TEP1: variants seen among roughly 807,000 people sequenced by gnomAD.
TEP1 encodes the protein telomerase protein component 1.
A neutral mutation model predicts 306.3 loss-of-function variants in TEP1; 241 were observed. The observed-to-expected ratio is 0.79, with a 90% CI of 0.71 to 0.88. The LOEUF (loss-of-function observed/expected upper bound fraction) is 0.88. Ranked by LOEUF, TEP1 falls within the 40% of genes least tolerant of loss-of-function variation. TEP1 has a pLI of 0.00. For missense variants in TEP1, 3,051 were observed against 3,276.1 expected (o/e 0.93, Z 1.68); for synonymous variants, 1,289 against 1,305.5 (o/e 0.99, Z 0.27).
chr14:20,380,519 C>T, intron 33 of TEP1, 44 bp from the exon 34 acceptor site: 1 of 1,573,964 alleles, frequency 6.4e-7, no homozygotes, highest in East Asian at 2.2e-5. Context: ...CAGCTGGACC[C>T]CATTAGCCCC....
intron 25 of TEP1, 23 bp from the exon 26 acceptor site, chr14:20,383,667 G>C (rs762268342): frequency 1.1e-5 from 18 of 1,607,790 alleles, no homozygotes; most frequent in Non-Finnish European, 1.4e-5. Context: ...AGGAAGTCAG[G>C]GTCAGTGGGA....
Position 20,373,739 on chromosome 14 carries a change from G to C in TEP1, c.6543C>G (p.Thr2181=). 1.9e-6 allele frequency: 3 copies of C among 1,614,174 alleles called. No individual in the cohort carries two copies. Among genetic ancestry groups the C allele is most frequent in the Non-Finnish European group, 1.7e-6 (2 of 1,180,028 alleles). ...KVWDHQGVEL[T]SIPAHSGPIS... ...TGGGTCCTGAGTGAGCAGGGATGCTGGTCAGCTCCACGCCTTGATGGTCCC... is the reference window on the plus strand; with the variant it reads ...TGGGTCCTGAGTGAGCAGGGATGCTCGTCAGCTCCACGCCTTGATGGTCCC... Residue 2181 remains threonine, a synonymous_variant, in exon 45 of 55, where the codon ACC becomes ACG. Coordinates refer to ENST00000262715, the MANE Select transcript of TEP1 (RefSeq NM_007110.5).
In TEP1 at chr14:20,396,720, C is replaced by CA; in HGVS notation, c.1559_1560insT (p.Lys520AsnfsTer25). ...TCCGAAGCATGGCCATGAAGGGAAGCTTCCCATTTTCTGTGGAATGTGGGG... is the reference window on the plus strand; with the variant it reads ...TCCGAAGCATGGCCATGAAGGGAAGCATTCCCATTTTCTGTGGAATGTGGGG... On this transcript the variant is annotated frameshift_variant, in exon 10 of 55. Coordinates refer to ENST00000262715, the MANE Select transcript of TEP1 (RefSeq NM_007110.5). LOFTEE classifies it high-confidence loss of function. The CA allele has an allele frequency of 6.2e-7, 1 of 1,605,954 alleles. No homozygotes were observed. Among genetic ancestry groups the CA allele is most frequent in the Non-Finnish European group, 8.5e-7 (1 of 1,174,232 alleles).
intron 54 of TEP1, 111 bp downstream of exon 54, chr14:20,368,687 A>T: frequency 6.5e-7 from 1 of 1,537,728 alleles, no homozygotes; most frequent in Non-Finnish European, 8.9e-7. Context: ...AAGAAAACAG[A>T]ATTTTGATCT....
chr14:20,391,333 G>A (rs77029003), intron 13 of TEP1, among the ~76,000 whole-genome samples: 1,800 of 152,320 alleles, frequency 0.012, 39 homozygotes, highest in African/African-American at 0.041. Context: ...AGGTGAAAGT[G>A]AGACATATTT....
At chr14:20,369,637 A>G in intron 52 of TEP1, 37 bp downstream of exon 52, 2 of 1,612,898 alleles carry the variant, frequency 1.2e-6, no homozygotes, top group Non-Finnish European at 1.7e-6. Flanking sequence ...ACCCTGGGCC[A>G]TCTCCCGGCT....
rs1238383679 is a variant in TEP1, at chr14:20,377,970, C to A, written c.5721+54G>T. 2.5e-6 allele frequency: 4 copies of A among 1,590,242 alleles called. No homozygotes were observed. The East Asian group carries it at 8.9e-5, about 36-fold the overall frequency. On this transcript the variant is annotated intron_variant, in intron 39 of 54. Transcript: ENST00000262715. ...GGACCCCCACCCCCACCAAGATATT[C>A]TTTGCCTTTGCTACTCCTCCTCACA...
In TEP1 at chr14:20,371,202, C is replaced by T; in HGVS notation, c.7317+16G>A. 1 of 1,605,892 alleles carries T rather than the reference C, an allele frequency of 6.2e-7. No homozygotes were observed. Among genetic ancestry groups the T allele is most frequent in the Non-Finnish European group, 8.5e-7 (1 of 1,172,452 alleles). ...AGACGAATGTTTGCTTTAGCACACA[C>T]TCAAATAGGACTTACCAAGAAAGAA... On this transcript the variant is annotated intron_variant, in intron 51 of 54. Transcript: ENST00000262715.
intron 27 of TEP1, 34 bp from the exon 28 acceptor site, chr14:20,382,749 G>A (rs1164257674): frequency 1.9e-6 from 3 of 1,606,132 alleles, no homozygotes; most frequent in Non-Finnish European, 2.6e-6. Context: ...TGGGGTCCAG[G>A]AGGGCTGCCC....
Position 20,382,655 on chromosome 14 carries a change from C to T in TEP1, c.4108G>A (p.Asp1370Asn), listed in dbSNP as rs761323334. ...TACAGCGTGAAGAGCCTCAGGTGAT[C>T]GGTGACCAAGCGCAGGTAGAGCGGC... ...GRPLYLRLVT[D>N]HLRLFTLYEQ... The change falls in exon 28 of 55, where the codon GAT becomes AAT. Residue 1370 changes from aspartate (D) to asparagine (N), a missense_variant. Coordinates refer to ENST00000262715, the MANE Select transcript of TEP1 (RefSeq NM_007110.5). 1.2e-5 allele frequency: 19 copies of T among 1,613,948 alleles called. No homozygotes were observed. The highest frequency in any genetic ancestry group is 1.6e-4 in the Middle Eastern group (1 of 6,082).
chr14:20,404,081 G>A (rs983583302), intron 5 of TEP1, among the ~76,000 whole-genome samples, 197 bp from the exon 6 acceptor site: 5 of 152,254 alleles, frequency 3.3e-5, no homozygotes, highest in African/African-American at 4.8e-5. Flanking sequence ...GGGCAGGGTG[G>A]CTCACCTTTA....
rs1224711399 is a variant in TEP1, at chr14:20,366,937, T to C, written c.*1500A>G. 6.6e-6 allele frequency: 1 copy of C among 152,246 alleles called. No individual in the cohort carries two copies. The highest frequency in any genetic ancestry group is 6.5e-5 in the Admixed American group (1 of 15,280). The allele number at this position is 152,246 out of a possible 1,614,324, so 9.4% of individuals were successfully genotyped here. A position where few individuals can be genotyped will look rare whatever the true frequency, so the allele number is the denominator to read the frequency against. The stretch of plus-strand genomic sequence containing the variant: ...GCCAAGGGCAGGAGGAAGCTCTAGT[T>C]GTCTGTCTCCCATGCTCTGAAAATT... On this transcript the variant is annotated 3_prime_UTR_variant, in exon 55 of 55. Coordinates refer to ENST00000262715, the MANE Select transcript of TEP1 (RefSeq NM_007110.5).
chr14:20,386,418 C>T, intron 19 of TEP1, 29 bp downstream of exon 19: 2 of 1,583,916 alleles, frequency 1.3e-6, no homozygotes, highest in Non-Finnish European at 1.7e-6. Flanking sequence ...CATCCCCGAC[C>T]CAGCCCCTCT....
At chr14:20,404,500 T>A (rs1566482341) in intron 5 of TEP1, 111 bp downstream of exon 5, 2 of 1,364,560 alleles carry the variant, frequency 1.5e-6, no homozygotes, top group Middle Eastern at 1.9e-4. Context: ...GCACCAATGC[T>A]GAGGAAAGCT....
rs1884691539 is a variant in TEP1, at chr14:20,369,503, C to T, written c.7497G>A (p.Trp2499Ter). 6.2e-7 allele frequency: 1 copy of T among 1,614,134 alleles called. No individual in the cohort carries two copies. ...NLAKCSPEGE[W>*]TTGNMWQKKA... ...TTTTCTGCCACATGTTACCTGTGGT[C>T]CATTCTCCTTCTGGGCTGCATTTGG... Residue 2499 changes from tryptophan to a stop codon, truncating the protein, a stop_gained, in exon 53 of 55, where the codon TGG (tryptophan) becomes TGA (stop). Transcript: ENST00000262715. LOFTEE classifies it high-confidence loss of function.
At chr14:20,389,894 AACTT>A in intron 15 of TEP1, among the ~76,000 whole-genome samples, 154 bp from the exon 16 acceptor site, 1 of 152,322 alleles carries the variant, frequency 6.6e-6, no homozygotes. Context: ...ACTGCATTTT[AACTT>A]ACAGGGGACA....
intron 9 of TEP1, among the ~76,000 whole-genome samples, chr14:20,400,463 C>T (rs1878586881): frequency 2.6e-5 from 2 of 77,590 alleles, no homozygotes; most frequent in African/African-American, 7.9e-5. Context: ...AAGTAAAAAA[C>T]GAAAGAAAGA....
Position 20,382,326 on chromosome 14 carries a change from T to C in TEP1, c.4171A>G (p.Thr1391Ala). ...ATGTGCTGCAGCAGCAGGGGGACAG[T>C]GGCAGGCAGGGTCCGGAGTCTCTCA... Reference protein sequence around the residue: ...VSERLRTLPATVPLLLQHILS... With the variant: ...VSERLRTLPAAVPLLLQHILS... The change falls in exon 29 of 55, where the codon ACT (threonine) becomes GCT (alanine). Residue 1391 changes from threonine to alanine, a missense_variant. Physicochemically the swap from Thr to Ala is moderately conservative, Grantham distance 58. Transcript: ENST00000262715. 1 of 1,613,072 alleles carries C rather than the reference T, an allele frequency of 6.2e-7. No homozygotes were observed. Among genetic ancestry groups the C allele is most frequent in the Non-Finnish European group, 8.5e-7 (1 of 1,179,530 alleles).
Position 20,368,279 on chromosome 14 carries a change from A to T in TEP1, c.*158T>A. 1 of 738,166 alleles carries T rather than the reference A, an allele frequency of 1.4e-6. No homozygotes were observed. Among genetic ancestry groups the T allele is most frequent in the Non-Finnish European group, 2.1e-6 (1 of 481,396 alleles). The allele number at this position is 738,166 out of a possible 1,614,324, so 45.7% of individuals were successfully genotyped here. A position where few individuals can be genotyped will look rare whatever the true frequency, so the allele number is the denominator to read the frequency against. ...TAGAATATCCTCCTGTTCTAAATCCACATGAGAACACAGGCAGGCCTACAC... is the reference window on the plus strand; with the variant it reads ...TAGAATATCCTCCTGTTCTAAATCCTCATGAGAACACAGGCAGGCCTACAC... On this transcript the variant is annotated 3_prime_UTR_variant, in exon 55 of 55. Transcript: ENST00000262715.
Sources: gnomAD v4.1 joint callset for allele counts (sites outside exome capture counted in the v4.1 genomes callset) on GRCh38, gnomAD v4.1.1 for gene constraint, MANE v1.5 for transcripts, NCBI Gene and HGNC (gene_info 2026-07-23, HGNC 2026-07-21) for gene names.